The following MARCHF1 variants were observed in gnomAD, a reference collection of about 807,000 sequenced individuals.
The protein encoded by MARCHF1 is membrane associated ring-CH-type finger 1, also known as E3 ubiquitin-protein ligase MARCHF1.
A neutral mutation model predicts 54.2 loss-of-function variants in MARCHF1; 40 were observed. That is an observed-to-expected ratio of 0.74 (90% CI 0.57 to 0.96). The LOEUF (loss-of-function observed/expected upper bound fraction) is 0.96, where lower values mean the gene tolerates loss of function less well. MARCHF1 is among the 40% of genes least tolerant of loss of function. The pLI, the probability that MARCHF1 is intolerant of heterozygous loss-of-function variation, is 0.00. For synonymous variants in MARCHF1, 236 were observed against 236.3 expected, an observed-to-expected ratio of 1.00 and a Z score of 0.01; for missense variants, 586 against 656.5, an observed-to-expected ratio of 0.89 and a Z score of 1.17.
chr4:163,865,637 A>G (rs901420161), intron 3 of MARCHF1, among the ~76,000 whole-genome samples: 1 of 151,850 alleles, frequency 6.6e-6, no homozygotes. Flanking sequence ...TGAAAGACCT[A>G]TGGCTTTATA....
intron 4 of MARCHF1, among the ~76,000 whole-genome samples, chr4:163,705,206 A>AAC (rs1423660542): frequency 6.6e-6 from 1 of 151,812 alleles, no homozygotes; most frequent in African/African-American, 2.4e-5. Flanking sequence ...TACTTTAAAG[A>AAC]ACACATAATT....
chr4:163,930,507 T>C (rs1192053886), intron 3 of MARCHF1, among the ~76,000 whole-genome samples: 1 of 150,848 alleles, frequency 6.6e-6, no homozygotes, highest in African/African-American at 2.4e-5. Context: ...GGTGTGATGA[T>C]TAATTTTATG....
At chr4:163,637,577 A>C (rs1228970535) in intron 5 of MARCHF1, among the ~76,000 whole-genome samples, 16 of 151,188 alleles carry the variant, frequency 1.1e-4, no homozygotes, top group Middle Eastern at 3.4e-3. Flanking sequence ...GGCAATCATT[A>C]AAAAGTCAGG....
At chr4:164,145,659 A>G (rs1025309819) in intron 1 of MARCHF1, among the ~76,000 whole-genome samples, 2 of 152,092 alleles carry the variant, frequency 1.3e-5, no homozygotes, top group Non-Finnish European at 2.9e-5. Context: ...TTAGGTATTG[A>G]TGGGACATAT....
intron 1 of MARCHF1, among the ~76,000 whole-genome samples, chr4:164,122,309 C>T (rs1226754155): frequency 6.6e-5 from 10 of 152,022 alleles, no homozygotes; most frequent in African/African-American, 1.2e-4. Context: ...AAAAGCAACC[C>T]CAACTTATTT....
At chr4:163,739,187 C>T (rs1022981728) in intron 4 of MARCHF1, among the ~76,000 whole-genome samples, 1 of 152,070 alleles carries the variant, frequency 6.6e-6, no homozygotes, top group Non-Finnish European at 1.5e-5. Flanking sequence ...TGAAATATTT[C>T]ACAACCTTTA....
chr4:163,631,405 C>A (rs1742076028), intron 5 of MARCHF1, among the ~76,000 whole-genome samples: 1 of 152,054 alleles, frequency 6.6e-6, no homozygotes, highest in Non-Finnish European at 1.5e-5. Flanking sequence ...GTTGGCCAGG[C>A]TGGTCTTGAA....
At chr4:163,784,316 G>A (rs918001099) in intron 4 of MARCHF1, among the ~76,000 whole-genome samples, 1 of 152,030 alleles carries the variant, frequency 6.6e-6, no homozygotes, top group Admixed American at 6.6e-5. Flanking sequence ...CCAGTTTCAT[G>A]GGGGGTTCCA....
intron 1 of MARCHF1, among the ~76,000 whole-genome samples, chr4:164,274,967 C>G (rs1426575962): frequency 6.6e-6 from 1 of 151,416 alleles, no homozygotes; most frequent in Admixed American, 6.6e-5. Flanking sequence ...TAAGCCACCA[C>G]GCCCGGCCAG....
At chr4:164,369,342 A>G (rs1374382182) in intron 1 of MARCHF1, among the ~76,000 whole-genome samples, 2 of 152,194 alleles carry the variant, frequency 1.3e-5, no homozygotes, top group Non-Finnish European at 2.9e-5. Context: ...AAGATTTGAA[A>G]AGACGATAAG....
chr4:163,996,379 G>T (rs1253387186), intron 2 of MARCHF1, among the ~76,000 whole-genome samples: 1 of 151,906 alleles, frequency 6.6e-6, no homozygotes, highest in Non-Finnish European at 1.5e-5. Flanking sequence ...ATTATAATTT[G>T]TATTTTCTGC....
rs62348063 is a variant in MARCHF1, at chr4:163,955,345, G to C, written c.-39+33156C>G. Among the ~76,000 whole-genome samples, 4 of 119,164 alleles carry C rather than the reference G, an allele frequency of 3.4e-5. No homozygotes were observed. In the South Asian group the frequency reaches 9.7e-4, roughly 29 times the overall value. The allele number at this position is 119,164 out of a possible 152,430, so 78.2% of individuals were successfully genotyped here. ...TAATAGAGGATAGGATCTGCTTTGA[G>C]GGAAAAAAAAAACAAAAACAAAGCA... On this transcript the variant is annotated intron_variant, in intron 3 of 9. Coordinates refer to ENST00000514618, the MANE Select transcript of MARCHF1 (RefSeq NM_001394959.1).
Position 163,757,233 on chromosome 4 carries a change from G to C in MARCHF1, c.112-56370C>G, listed in dbSNP as rs183097174. Among the ~76,000 whole-genome samples the C allele has an allele frequency of 3.0e-3, 461 of 152,294 alleles. 2 individuals are homozygous for C. Among genetic ancestry groups the C allele is most frequent in the African/African-American group, 1.0e-2 (414 of 41,558 alleles). The stretch of plus-strand genomic sequence containing the variant: ...AGAGATCATATGTGTGCAACCTTGA[G>C]TTTCCATGGTTGCTTCTCCCATGTC... On this transcript the variant is annotated intron_variant, in intron 4 of 9. Coordinates refer to ENST00000514618, the MANE Select transcript of MARCHF1 (RefSeq NM_001394959.1).
intron 1 of MARCHF1, among the ~76,000 whole-genome samples, chr4:164,224,042 C>A (rs1362927394): frequency 6.6e-6 from 1 of 150,412 alleles, no homozygotes; most frequent in Non-Finnish European, 1.5e-5. Flanking sequence ...TCTTTTACAG[C>A]ATCTTTCCAT....
chr4:164,126,214 T>G (rs1271646097), intron 1 of MARCHF1, among the ~76,000 whole-genome samples: 2 of 152,192 alleles, frequency 1.3e-5, no homozygotes, highest in Non-Finnish European at 2.9e-5. Context: ...TAGGAGGTTA[T>G]TGGATCCTGA....
At chr4:163,848,324 T>A (rs1749543770) in intron 4 of MARCHF1, among the ~76,000 whole-genome samples, 2 of 152,180 alleles carry the variant, frequency 1.3e-5, no homozygotes, top group Admixed American at 1.3e-4. Flanking sequence ...GTCACCTCTA[T>A]CAAACACATA....
chr4:163,804,870 C>G (rs1261628932), intron 4 of MARCHF1, among the ~76,000 whole-genome samples: 1 of 152,198 alleles, frequency 6.6e-6, no homozygotes, highest in Non-Finnish European at 1.5e-5. Flanking sequence ...GTACTACTCT[C>G]ATTGTTCTTA....
chr4:164,143,722 C>G (rs1370757056), intron 1 of MARCHF1, among the ~76,000 whole-genome samples: 1 of 152,148 alleles, frequency 6.6e-6, no homozygotes, highest in African/African-American at 2.4e-5. Flanking sequence ...AAAATCATGC[C>G]AAAATGTAAA....
intron 3 of MARCHF1, among the ~76,000 whole-genome samples, chr4:163,882,037 CA>C (rs965518594): frequency 6.6e-6 from 1 of 152,194 alleles, no homozygotes; most frequent in African/African-American, 2.4e-5. Context: ...CTAGTGTTTG[CA>C]GCATCAGCTT....
Sources: gnomAD v4.1 joint callset for allele counts (sites outside exome capture counted in the v4.1 genomes callset) on GRCh38, gnomAD v4.1.1 for gene constraint, MANE v1.5 for transcripts, NCBI Gene and HGNC (gene_info 2026-07-23, HGNC 2026-07-21) for gene names.